RANBP2: variants seen among roughly 807,000 people sequenced by gnomAD.
RANBP2 encodes E3 SUMO-protein ligase RanBP2.
Under a neutral mutation model 303.6 loss-of-function variants are expected in RANBP2, and 57 were observed. The observed-to-expected ratio is 0.19, with a 90% CI of 0.15 to 0.23. The LOEUF (loss-of-function observed/expected upper bound fraction) is 0.23, where lower values mean the gene tolerates loss of function less well. RANBP2 is among the 10% of genes least tolerant of loss of function. RANBP2 has a pLI of 1.00. For missense variants in RANBP2, 3,138 were observed against 3,780.8 expected (o/e 0.83, Z 4.46); for synonymous variants, 1,167 against 1,301.5 (o/e 0.90, Z 2.23).
chr2:109,398,465 G>A, the RANBP2 span: 1 of 879,052 alleles, frequency 1.1e-6, no homozygotes, highest in East Asian at 2.7e-5. Context: ...TGTTTTCCCT[G>A]CAGTCTGACG....
chr2:109,168,783 A>G, the RANBP2 span, among the ~76,000 whole-genome samples: 3 of 152,224 alleles, frequency 2.0e-5, no homozygotes, highest in Non-Finnish European at 1.5e-5. Flanking sequence ...GTAGGAATTA[A>G]GCCTGAACAG....
At chr2:109,401,683 C>G in the RANBP2 span, among the ~76,000 whole-genome samples, 2 of 152,200 alleles carry the variant, frequency 1.3e-5, no homozygotes, top group Non-Finnish European at 2.9e-5. Context: ...TCCCACAGGC[C>G]CCTGAGATGT....
chr2:109,274,546 G>A, the RANBP2 span, among the ~76,000 whole-genome samples: 1 of 152,226 alleles, frequency 6.6e-6, no homozygotes, highest in Non-Finnish European at 1.5e-5. Context: ...GTCACATATT[G>A]TATGATTTCA....
chr2:108,898,699 C>T, the RANBP2 span, among the ~76,000 whole-genome samples: 1 of 151,968 alleles, frequency 6.6e-6, no homozygotes, highest in South Asian at 2.1e-4. Flanking sequence ...TATGAACATG[C>T]TTAAATGCAA....
chr2:109,523,123 T>C, the RANBP2 span, among the ~76,000 whole-genome samples: 7,147 of 151,994 alleles, frequency 0.047, 572 homozygotes, highest in African/African-American at 0.16. Flanking sequence ...GTAGTCAGAG[T>C]AGATGCGGCT....
At chr2:109,070,716 G>A in the RANBP2 span, among the ~76,000 whole-genome samples, 2 of 152,032 alleles carry the variant, frequency 1.3e-5, no homozygotes, top group Admixed American at 6.6e-5. Flanking sequence ...AATATTAGGC[G>A]GGTGTGATGG....
At chr2:109,478,507 A>G in the RANBP2 span, among the ~76,000 whole-genome samples, 1 of 152,222 alleles carries the variant, frequency 6.6e-6, no homozygotes, top group Admixed American at 6.5e-5. Context: ...TTCCATGAAA[A>G]TGTACTGAGG....
chr2:109,415,318 T>C, the RANBP2 span, among the ~76,000 whole-genome samples: 2 of 152,216 alleles, frequency 1.3e-5, no homozygotes, highest in African/African-American at 4.8e-5. Context: ...GCACGTGGCC[T>C]GAGTTCAAAA....
chr2:109,722,534 A>C, the RANBP2 span, among the ~76,000 whole-genome samples: 99 of 152,346 alleles, frequency 6.5e-4, no homozygotes, highest in Non-Finnish European at 9.3e-4. Flanking sequence ...GGTTTGTTAC[A>C]TAGATAAACG....
At chr2:109,020,245 G>A in the RANBP2 span, among the ~76,000 whole-genome samples, 1 of 152,180 alleles carries the variant, frequency 6.6e-6, no homozygotes, top group African/African-American at 2.4e-5. Context: ...AAAGTAAACA[G>A]CAGAGACAGT....
At chr2:109,456,504 C>G in the RANBP2 span, among the ~76,000 whole-genome samples, 1 of 152,226 alleles carries the variant, frequency 6.6e-6, no homozygotes, top group Non-Finnish European at 1.5e-5. Flanking sequence ...AATGTCCCGT[C>G]AGAGCACAGG....
the RANBP2 span, among the ~76,000 whole-genome samples, chr2:109,612,800 GAA>G: frequency 2.6e-5 from 4 of 152,254 alleles, no homozygotes; most frequent in Middle Eastern, 3.4e-3. Context: ...GCGATAGAAT[GAA>G]AAGAGACCTG....
At chr2:109,379,275 C>T in the RANBP2 span, among the ~76,000 whole-genome samples, 1 of 152,320 alleles carries the variant, frequency 6.6e-6, no homozygotes, top group South Asian at 2.1e-4. Flanking sequence ...TTCCCCAGGG[C>T]TCAATCTCTC....
the RANBP2 span, among the ~76,000 whole-genome samples, chr2:109,134,808 T>G: frequency 3.9e-5 from 6 of 152,212 alleles, no homozygotes; most frequent in African/African-American, 1.4e-4. Flanking sequence ...CGGCTGCAGA[T>G]GCTCTTCTAT....
chr2:109,558,927 C>G, the RANBP2 span, among the ~76,000 whole-genome samples: 2 of 152,058 alleles, frequency 1.3e-5, no homozygotes, highest in South Asian at 4.2e-4. Flanking sequence ...GCTCTGTTGC[C>G]CAGGCTGGAG....
the RANBP2 span, among the ~76,000 whole-genome samples, chr2:109,692,882 G>A: frequency 2.0e-5 from 3 of 147,290 alleles, no homozygotes; most frequent in Admixed American, 6.8e-5. Flanking sequence ...GCAATGGTGC[G>A]ATCTCGGCTC....
At chr2:109,010,868 C>T in the RANBP2 span, among the ~76,000 whole-genome samples, 1 of 152,186 alleles carries the variant, frequency 6.6e-6, no homozygotes, top group African/African-American at 2.4e-5. Context: ...TCAGCAGCAG[C>T]TGGATGGCAG....
chr2:109,631,157 C>T, the RANBP2 span, among the ~76,000 whole-genome samples: 1 of 152,268 alleles, frequency 6.6e-6, no homozygotes, highest in Non-Finnish European at 1.5e-5. Context: ...GACATGATAT[C>T]ATTGCTATAT....
chr2:109,030,508 A>G, the RANBP2 span, among the ~76,000 whole-genome samples: 1 of 152,174 alleles, frequency 6.6e-6, no homozygotes, highest in African/African-American at 2.4e-5. Context: ...AGTAAATATG[A>G]CCTGAATGAA....
Sources: allele counts gnomAD v4.1 joint callset (sites outside exome capture counted in the v4.1 genomes callset), GRCh38; gene constraint gnomAD v4.1.1; transcripts MANE v1.5; gene names NCBI Gene and HGNC (gene_info 2026-07-23, HGNC 2026-07-21).